PERM1: variants seen among roughly 807,000 people sequenced by gnomAD.
PERM1 encodes PPARGC1 and ESRR induced regulator, muscle 1.
Under a neutral mutation model 44.1 loss-of-function variants are expected in PERM1, and 45 were observed. The observed-to-expected ratio is 1.02, with a 90% CI of 0.80 to 1.31. The LOEUF (loss-of-function observed/expected upper bound fraction) is 1.31, where lower values mean the gene tolerates loss of function less well. Among genes scored for constraint, PERM1 ranks in the 50% most tolerant of loss-of-function variants. The probability of loss-of-function intolerance (pLI) is 0.00; values close to 1 mark genes in which losing one functional copy is unlikely to be tolerated. For synonymous variants in PERM1, 565 were observed against 477.1 expected, an observed-to-expected ratio of 1.18 and a Z score of -2.40; for missense variants, 1,189 against 1,106.9, an observed-to-expected ratio of 1.07 and a Z score of -1.05.
chr1:979,460 G>C (rs1013290404), exon 1 of PERM1: 30 of 1,546,810 alleles, frequency 1.9e-5, no homozygotes, highest in Non-Finnish European at 2.3e-5. Context: ...GCTGAGGGCC[G>C]GGCTGAGGCC....
chr1:980,818 C>A lies in PERM1; in HGVS notation c.212G>T (p.Arg71Leu), dbSNP rs982888289. 5 of 1,397,834 alleles carry A rather than the reference C, an allele frequency of 3.6e-6. No individual in the cohort carries two copies. In the East Asian group the frequency reaches 1.4e-4, roughly 38 times the overall value. The allele number at this position is 1,397,834 out of a possible 1,614,324, so 86.6% of individuals were successfully genotyped here. A position where few individuals can be genotyped will look rare whatever the true frequency, so the allele number is the denominator to read the frequency against. ...CACGTCCTCCTCCTCGCAGCCCCGC[C>A]GGCTCCGCCCTCCTGCAGCTAGCTG... The change falls in exon 1 of 3, where the codon CGG becomes CTG. Residue 71 changes from arginine to leucine, a missense_variant. By Grantham distance (102) the Arg-to-Leu change is moderately radical. Transcript: ENST00000433179.
At chr1:978,885 C>T in exon 1 of PERM1, 2 of 1,485,278 alleles carry the variant, frequency 1.3e-6, no homozygotes, top group Non-Finnish European at 9.0e-7. Flanking sequence ...ACGTACCTGC[C>T]CGTCTAAGAG....
chr1:978,782 G>A, intron 1 of PERM1, 99 bp downstream of exon 2: 1 of 1,181,494 alleles, frequency 8.5e-7, no homozygotes, highest in South Asian at 1.8e-5. Context: ...GATGACCCAA[G>A]CCCGGCCTGC....
exon 1 of PERM1, chr1:980,489 T>A: frequency 1.3e-6 from 2 of 1,505,018 alleles, no homozygotes; most frequent in Non-Finnish European, 1.8e-6. Context: ...TTCTTTCGGC[T>A]GGGGCTCCGT....
At chr1:979,553 G>A in exon 1 of PERM1, 1 of 1,550,046 alleles carries the variant, frequency 6.5e-7, no homozygotes, top group Non-Finnish European at 8.7e-7. Context: ...GTGAGACCCA[G>A]TGCGGGTGCC....
exon 1 of PERM1, chr1:980,399 C>T (rs1355225830): frequency 6.5e-7 from 1 of 1,549,866 alleles, no homozygotes; most frequent in African/African-American, 1.4e-5. Flanking sequence ...GGACTGGCCG[C>T]AGGGAGCAGC....
intron 1 of PERM1, among the ~76,000 whole-genome samples, chr1:978,371 C>G (rs551030464): frequency 1.1e-3 from 160 of 152,078 alleles, no homozygotes; most frequent in African/African-American, 3.5e-3. Flanking sequence ...ACTGGTTGCC[C>G]CGGGAACCGC....
exon 1 of PERM1, chr1:980,957 A>G (rs893713131): frequency 2.7e-6 from 4 of 1,460,814 alleles, no homozygotes; most frequent in Admixed American, 5.7e-5. Flanking sequence ...AGGAGGCCAC[A>G]CTCATCGGCG....
Position 979,889 on chromosome 1 carries a change from G to A in PERM1, c.1141C>T (p.Gln381Ter), listed in dbSNP as rs1418191548. ...GGTGTAGACAGAGCCACACTGGACT[G>A]AGGCTCAGAAGCTGGTGTAGACACA... Residue 381 changes from glutamine (Q) to a stop codon, truncating the protein, a stop_gained, in exon 1 of 3, where the codon CAG (glutamine) becomes TAG (stop). Transcript: ENST00000433179. LOFTEE classifies it high-confidence loss of function. 1 of 1,550,018 alleles carries A rather than the reference G, an allele frequency of 6.5e-7. No homozygotes were observed. Among genetic ancestry groups the A allele is most frequent in the Non-Finnish European group, 8.7e-7 (1 of 1,146,868 alleles).
exon 1 of PERM1, chr1:980,172 T>G: frequency 3.2e-6 from 5 of 1,550,398 alleles, no homozygotes; most frequent in Non-Finnish European, 4.4e-6. Flanking sequence ...CTGGGAGGGC[T>G]TCCCAGACAG....
rs557504624 is a variant in PERM1 at position 978,132 on chromosome 1, C to T, written c.2149+749G>A. 7.0e-5 allele frequency among the ~76,000 whole-genome samples: 9 copies of T among 127,692 alleles called. No homozygotes were observed. The East Asian group carries it at 9.6e-4, about 14-fold the overall frequency. 83.8% of individuals were successfully genotyped at this position (127,692 alleles called of 152,430 possible). A position where few individuals can be genotyped will look rare whatever the true frequency, so the allele number is the denominator to read the frequency against. On this transcript the variant is annotated intron_variant, in intron 1 of 2. Transcript: ENST00000433179. Reference sequence around the variant, plus strand: ...CCACCTGCCCCGCACACGGCCGCCCCGGGAACCGCCTGCCTCCCCCTCCAA... The same window carrying T: ...CCACCTGCCCCGCACACGGCCGCCCTGGGAACCGCCTGCCTCCCCCTCCAA...
At chr1:976,475 C>T (rs1165793973) in intron 2 of PERM1, 24 bp downstream of exon 3, 2 of 1,549,406 alleles carry the variant, frequency 1.3e-6, no homozygotes, top group Non-Finnish European at 1.7e-6. Flanking sequence ...AGGCGCAGCT[C>T]CCTCTGCCCC....
At chr1:976,335 C>T in intron 2 of PERM1, 66 bp from the exon 4 acceptor site, 1 of 1,471,756 alleles carries the variant, frequency 6.8e-7, no homozygotes, top group Non-Finnish European at 9.0e-7. Context: ...CCCGCAAGAC[C>T]CAGCCCTCAA....
chr1:976,509 G>C, exon 2 of PERM1: 1 of 1,549,508 alleles, frequency 6.5e-7, no homozygotes, highest in Non-Finnish European at 8.7e-7. Context: ...CTGTTTTCCA[G>C]GCGTCTGGGG....
At chr1:981,724 C>G (rs1387604535), upstream of PERM1, among the ~76,000 whole-genome samples, 3 of 152,258 alleles carry the variant, frequency 2.0e-5, no homozygotes, top group Non-Finnish European at 4.4e-5. Flanking sequence ...GGTCTCTTGA[C>G]CCAGCAGCCA....
exon 1 of PERM1, chr1:979,919 T>C: frequency 6.5e-7 from 1 of 1,550,106 alleles, no homozygotes. Flanking sequence ...GACACAGCCG[T>C]GTCAGATTGC....
chr1:978,823 A>C, intron 1 of PERM1, 58 bp downstream of exon 2: 1 of 1,394,718 alleles, frequency 7.2e-7, no homozygotes. Context: ...CTTGGCCAAG[A>C]TCCCTGGACA....
In PERM1 at chr1:979,284, C is replaced by T. The variant is rs1358503607; in HGVS notation, c.1746G>A (p.Glu582=). 5 of 1,548,362 alleles carry T rather than the reference C, an allele frequency of 3.2e-6. No individual in the cohort carries two copies. In the African/African-American group the frequency reaches 4.1e-5, roughly 13 times the overall value. ...TGTCACAGAAGAAGAACTCGTAGGC[C>T]TCCGGGAGGGTCACGGCAAAGCTGC... is the stretch of plus-strand genomic sequence containing the variant. Residue 582 remains glutamate, a synonymous_variant, in exon 1 of 3, where the codon GAG becomes GAA. Transcript: ENST00000433179.
upstream of PERM1, chr1:981,083 A>G (rs890149581): frequency 4.5e-6 from 7 of 1,547,308 alleles, no homozygotes; most frequent in East Asian, 2.4e-5. Flanking sequence ...TGGGGTCTTC[A>G]TGGGTTCAGG....
Sources: allele counts gnomAD v4.1 joint callset (sites outside exome capture counted in the v4.1 genomes callset), GRCh38; gene constraint gnomAD v4.1.1; transcripts MANE v1.5; gene names NCBI Gene and HGNC (gene_info 2026-07-23, HGNC 2026-07-21).